Variants in INSYN2B observed in about 807,000 individuals in gnomAD.
The protein encoded by INSYN2B is protein INSYN2B.
A neutral mutation model predicts 41.2 loss-of-function variants in INSYN2B; 16 were observed. The observed-to-expected ratio is 0.39, with a 90% confidence interval of 0.26 to 0.59. INSYN2B has a LOEUF of 0.59. Ranked by LOEUF, INSYN2B falls within the 20% of genes least tolerant of loss-of-function variation. The probability of loss-of-function intolerance (pLI) is 0.57; values close to 1 mark genes in which losing one functional copy is unlikely to be tolerated. For synonymous variants in INSYN2B, 245 were observed against 244.4 expected (o/e 1.00, Z -0.02); for missense variants, 608 against 646.4 (o/e 0.94, Z 0.64).
At chr5:169,897,422 C>A (rs1256900408) in intron 1 of INSYN2B, among the ~76,000 whole-genome samples, 2 of 152,114 alleles carry the variant, frequency 1.3e-5, no homozygotes, top group Non-Finnish European at 2.9e-5. Flanking sequence ...ATCTCCTAAC[C>A]ACATGATCCT....
At chr5:169,866,163 C>G (rs1771544085) in intron 3 of INSYN2B, among the ~76,000 whole-genome samples, 1 of 152,098 alleles carries the variant, frequency 6.6e-6, no homozygotes, top group Non-Finnish European at 1.5e-5. Context: ...GAAAGGGTAT[C>G]TGATTGTTTT....
chr5:169,880,092 G>C (rs552046642), intron 3 of INSYN2B, among the ~76,000 whole-genome samples: 1 of 152,360 alleles, frequency 6.6e-6, no homozygotes, highest in African/African-American at 2.4e-5. Flanking sequence ...GCAGCAAAAA[G>C]AGAGCAATTG....
intron 3 of INSYN2B, among the ~76,000 whole-genome samples, chr5:169,874,987 A>G (rs2113474408): frequency 6.6e-6 from 1 of 152,208 alleles, no homozygotes; most frequent in South Asian, 2.1e-4. Context: ...CCCAACATAT[A>G]TAATTAGGTC....
intron 1 of INSYN2B, among the ~76,000 whole-genome samples, chr5:169,885,500 A>G (rs1248582788): frequency 1.3e-5 from 2 of 152,210 alleles, no homozygotes; most frequent in African/African-American, 4.8e-5. Context: ...TTATTTAAGG[A>G]CAAAATTCTC....
intron 1 of INSYN2B, among the ~76,000 whole-genome samples, chr5:169,930,757 C>T (rs887731791): frequency 3.3e-5 from 5 of 152,202 alleles, no homozygotes; most frequent in Non-Finnish European, 4.4e-5. Context: ...GGGTGGAAGG[C>T]ACTGTGGGTG....
chr5:169,886,623 C>A (rs1024745523), intron 1 of INSYN2B, among the ~76,000 whole-genome samples: 3 of 152,174 alleles, frequency 2.0e-5, no homozygotes, highest in Non-Finnish European at 4.4e-5. Context: ...GGCATTTAAT[C>A]CTCAAAATAA....
At chr5:169,896,421 T>C (rs1255476907) in intron 1 of INSYN2B, among the ~76,000 whole-genome samples, 1 of 152,186 alleles carries the variant, frequency 6.6e-6, no homozygotes, top group Non-Finnish European at 1.5e-5. Context: ...ATTTTCTGCA[T>C]CTTTGTTGGA....
chr5:169,956,376 G>C (rs1272012608), intron 1 of INSYN2B, among the ~76,000 whole-genome samples: 1 of 152,188 alleles, frequency 6.6e-6, no homozygotes, highest in Non-Finnish European at 1.5e-5. Context: ...GGCTGCTCCT[G>C]ATCTCATGGG....
At chr5:169,968,548 CAGCATGGT>C (rs1777383625) in intron 1 of INSYN2B, among the ~76,000 whole-genome samples, 1 of 152,180 alleles carries the variant, frequency 6.6e-6, no homozygotes, top group Non-Finnish European at 1.5e-5. Flanking sequence ...TCTTCGACTT[CAGCATGGT>C]AAATATCCCT....
At chr5:169,906,141 C>T (rs1389505186) in intron 1 of INSYN2B, among the ~76,000 whole-genome samples, 1 of 152,188 alleles carries the variant, frequency 6.6e-6, no homozygotes, top group Non-Finnish European at 1.5e-5. Context: ...TTCATTCGTG[C>T]AGTAAATCCT....
At chr5:169,953,763 T>A (rs979564144) in intron 1 of INSYN2B, among the ~76,000 whole-genome samples, 4 of 152,266 alleles carry the variant, frequency 2.6e-5, no homozygotes, top group African/African-American at 7.2e-5. Flanking sequence ...GCACTTGTTT[T>A]CTCCTCGGGA....
At chr5:169,866,878 C>T (rs536832892) in intron 3 of INSYN2B, among the ~76,000 whole-genome samples, 1 of 152,302 alleles carries the variant, frequency 6.6e-6, no homozygotes, top group East Asian at 1.9e-4. Context: ...AAGCAGTGGC[C>T]ACCAGTTGGG....
rs536357084 is a variant in INSYN2B at position 169,884,454 on chromosome 5, A to T, written c.-556T>A. Reference sequence around the variant, plus strand: ...AGGTAAACAGGTGGAGAAATAAATGACCTGGAGGTTTGCTTGTTTGATGAT... The same window carrying T: ...AGGTAAACAGGTGGAGAAATAAATGTCCTGGAGGTTTGCTTGTTTGATGAT... On this transcript the variant is annotated 5_prime_UTR_variant, in exon 2 of 4. Transcript: ENST00000377365. The T allele has an allele frequency of 6.6e-6, 1 of 152,346 alleles. No homozygotes were observed. Among genetic ancestry groups the T allele is most frequent in the South Asian group, 2.1e-4 (1 of 4,822 alleles). The allele number at this position is 152,346 out of a possible 1,614,324, so 9.4% of individuals were successfully genotyped here.
At chr5:169,963,334 G>A (rs941095202) in intron 1 of INSYN2B, among the ~76,000 whole-genome samples, 5 of 152,070 alleles carry the variant, frequency 3.3e-5, no homozygotes, top group Admixed American at 2.6e-4. Flanking sequence ...GACTTGGCTG[G>A]CATTGACAGG....
chr5:169,950,879 G>A (rs1379717082), intron 1 of INSYN2B, among the ~76,000 whole-genome samples: 1 of 152,226 alleles, frequency 6.6e-6, no homozygotes, highest in African/African-American at 2.4e-5. Flanking sequence ...AGCCCACGGG[G>A]CAGATGTGGC....
At chr5:169,978,510 A>C (rs1777818972) in intron 1 of INSYN2B, among the ~76,000 whole-genome samples, 1 of 151,744 alleles carries the variant, frequency 6.6e-6, no homozygotes, top group African/African-American at 2.4e-5. Flanking sequence ...ATGATGATGA[A>C]TTTTTTAATG....
intron 1 of INSYN2B, among the ~76,000 whole-genome samples, chr5:169,957,841 C>A (rs768524559): frequency 5.9e-5 from 9 of 152,168 alleles, no homozygotes; most frequent in Non-Finnish European, 1.2e-4. Context: ...CCCTGCTCCC[C>A]ACCTGCATTG....
At chr5:169,906,489 A>G (rs1049801078) in intron 1 of INSYN2B, among the ~76,000 whole-genome samples, 1 of 151,490 alleles carries the variant, frequency 6.6e-6, no homozygotes, top group African/African-American at 2.4e-5. Flanking sequence ...TTGTTACGTT[A>G]TGTTATGTTA....
chr5:169,934,638 T>C (rs761452873), intron 1 of INSYN2B: 27 of 456,130 alleles, frequency 5.9e-5, no homozygotes, highest in Admixed American at 2.3e-4. Context: ...AAGTCTTGTC[T>C]CCTTCCTTTC....
Sources: allele counts gnomAD v4.1 joint callset (sites outside exome capture counted in the v4.1 genomes callset), GRCh38; gene constraint gnomAD v4.1.1; transcripts MANE v1.5; gene names NCBI Gene and HGNC (gene_info 2026-07-23, HGNC 2026-07-21).